Variants in ATRNL1 observed in about 807,000 individuals in gnomAD.
ATRNL1 encodes the protein attractin like 1, also known as attractin-like protein 1.
A neutral mutation model predicts 182.7 loss-of-function variants in ATRNL1; 95 were observed. The observed-to-expected ratio is 0.52, with a 90% CI of 0.44 to 0.62. The LOEUF (loss-of-function observed/expected upper bound fraction) is 0.62, where lower values mean the gene tolerates loss of function less well. ATRNL1 is among the 20% of genes least tolerant of loss of function. The pLI, the probability that ATRNL1 is intolerant of heterozygous loss-of-function variation, is 0.00. For synonymous variants in ATRNL1, 576 were observed against 568.3 expected (o/e 1.01, Z -0.19); for missense variants, 1,471 against 1,679.5 (o/e 0.88, Z 2.17).
At position 115,431,302 on chromosome 10, in the gene ATRNL1, G is replaced by A. The variant is rs373890175; in HGVS notation, c.3322+5000G>A. 3.6e-4 allele frequency among the ~76,000 whole-genome samples: 54 copies of A among 151,942 alleles called. 1 individual carries two copies. In the East Asian group the frequency reaches 7.2e-3, roughly 20 times the overall value. On this transcript the variant is annotated intron_variant, in intron 21 of 28. Coordinates refer to ENST00000355044, the MANE Select transcript of ATRNL1 (RefSeq NM_207303.4). ...CGCCTGTAATCCCAGCTATGTGGGAGGCTGAGGCAGGAGAATCGCTTGAAC... is the reference window on the plus strand; with the variant it reads ...CGCCTGTAATCCCAGCTATGTGGGAAGCTGAGGCAGGAGAATCGCTTGAAC...
intron 28 of ATRNL1, among the ~76,000 whole-genome samples, chr10:115,883,179 A>G (rs542089408): frequency 2.0e-5 from 3 of 152,312 alleles, no homozygotes; most frequent in African/African-American, 7.2e-5. Context: ...AACAACATCC[A>G]TGCAAGAAAC....
chr10:115,255,928 A>G (rs1352767259), intron 10 of ATRNL1, among the ~76,000 whole-genome samples: 2 of 152,048 alleles, frequency 1.3e-5, no homozygotes, highest in Non-Finnish European at 2.9e-5. Flanking sequence ...TGTTTATGTT[A>G]TGGATTATGT....
chr10:115,299,181 A>G (rs1294583542), intron 15 of ATRNL1, among the ~76,000 whole-genome samples: 1 of 151,830 alleles, frequency 6.6e-6, no homozygotes, highest in Non-Finnish European at 1.5e-5. Flanking sequence ...ATTATCATAT[A>G]TATTAAAATA....
At chr10:115,263,628 C>T (rs562438315) in intron 10 of ATRNL1, among the ~76,000 whole-genome samples, 2 of 151,722 alleles carry the variant, frequency 1.3e-5, no homozygotes, top group African/African-American at 4.8e-5. Context: ...CACTTTGGAA[C>T]TTTTATGTGT....
chr10:115,941,124 T>G (rs565434914), intron 28 of ATRNL1, among the ~76,000 whole-genome samples: 1 of 152,222 alleles, frequency 6.6e-6, no homozygotes, highest in Non-Finnish European at 1.5e-5. Context: ...TAAATATCTC[T>G]GCCTAGAGAA....
intron 27 of ATRNL1, among the ~76,000 whole-genome samples, chr10:115,791,787 C>A (rs1949537879): frequency 6.6e-6 from 1 of 152,128 alleles, no homozygotes; most frequent in Non-Finnish European, 1.5e-5. Flanking sequence ...TTAGATTCTT[C>A]TCCAATTCTC....
intron 27 of ATRNL1, among the ~76,000 whole-genome samples, chr10:115,793,942 A>G (rs1486254585): frequency 1.3e-5 from 2 of 152,284 alleles, no homozygotes; most frequent in African/African-American, 4.8e-5. Context: ...ATTTTATGGT[A>G]TGTGAATTAA....
intron 5 of ATRNL1, among the ~76,000 whole-genome samples, chr10:115,140,667 T>G (rs927269797): frequency 1.3e-5 from 2 of 152,224 alleles, no homozygotes; most frequent in African/African-American, 4.8e-5. Flanking sequence ...GCTCGATTCT[T>G]TTAAATGTCT....
At chr10:115,910,830 G>T (rs1166624628) in intron 28 of ATRNL1, among the ~76,000 whole-genome samples, 2 of 152,008 alleles carry the variant, frequency 1.3e-5, no homozygotes, top group Admixed American at 1.3e-4. Flanking sequence ...TTCTCATCCC[G>T]CCTGCCAATA....
intron 10 of ATRNL1, among the ~76,000 whole-genome samples, chr10:115,264,673 A>G (rs1851533008): frequency 6.6e-6 from 1 of 151,450 alleles, no homozygotes; most frequent in South Asian, 2.1e-4. Flanking sequence ...AGTTAAAATA[A>G]TTCCCTTCTA....
At chr10:115,894,278 G>A (rs887567958) in intron 28 of ATRNL1, among the ~76,000 whole-genome samples, 9 of 152,170 alleles carry the variant, frequency 5.9e-5, no homozygotes, top group African/African-American at 1.4e-4. Context: ...GACTGCAGCC[G>A]AATTTCGGCT....
chr10:115,345,911 T>C (rs908059967), intron 19 of ATRNL1, among the ~76,000 whole-genome samples: 1 of 152,242 alleles, frequency 6.6e-6, no homozygotes, highest in Non-Finnish European at 1.5e-5. Flanking sequence ...ATTCTCATTG[T>C]AGCAAGTACC....
chr10:115,588,124 GT>G (rs1439716895), intron 26 of ATRNL1, among the ~76,000 whole-genome samples: 1 of 152,140 alleles, frequency 6.6e-6, no homozygotes, highest in Non-Finnish European at 1.5e-5. Flanking sequence ...AGACAGTACT[GT>G]TGAAAATGAA....
chr10:115,143,754 G>A (rs782355361), intron 5 of ATRNL1, among the ~76,000 whole-genome samples: 2 of 152,084 alleles, frequency 1.3e-5, no homozygotes, highest in Admixed American at 1.3e-4. Flanking sequence ...GAGAACGCAC[G>A]TGAGAGTGTG....
At chr10:115,782,935 T>G (rs1949302441) in intron 27 of ATRNL1, among the ~76,000 whole-genome samples, 1 of 152,216 alleles carries the variant, frequency 6.6e-6, no homozygotes, top group Non-Finnish European at 1.5e-5. Context: ...TGATCAAATA[T>G]ATTTGTTAGG....
chr10:115,608,654 T>A (rs1856991199), intron 26 of ATRNL1, among the ~76,000 whole-genome samples: 1 of 152,028 alleles, frequency 6.6e-6, no homozygotes, highest in Admixed American at 6.6e-5. Context: ...ACATAATATA[T>A]CAAGAATATA....
chr10:115,223,929 A>ATATATATATATATATT (rs1420143943), intron 9 of ATRNL1, among the ~76,000 whole-genome samples: 3 of 44,728 alleles, frequency 6.7e-5, no homozygotes, highest in African/African-American at 2.8e-4. Context: ...ATATATATAT[A>ATATATATATATATATT]TTTTTTTTTT....
intron 24 of ATRNL1, among the ~76,000 whole-genome samples, chr10:115,508,075 CACTT>C (rs1288285089): frequency 6.6e-6 from 1 of 152,034 alleles, no homozygotes; most frequent in Non-Finnish European, 1.5e-5. Flanking sequence ...ATCATGTACT[CACTT>C]TGTGTCTCTG....
chr10:115,810,893 G>C (rs966723143), intron 27 of ATRNL1, among the ~76,000 whole-genome samples: 2 of 151,700 alleles, frequency 1.3e-5, no homozygotes, highest in Non-Finnish European at 2.9e-5. Flanking sequence ...TTCTTGGTCT[G>C]TCTGGCTAGA....
Sources: gnomAD v4.1 joint callset for allele counts (sites outside exome capture counted in the v4.1 genomes callset) on GRCh38, gnomAD v4.1.1 for gene constraint, MANE v1.5 for transcripts, NCBI Gene and HGNC (gene_info 2026-07-23, HGNC 2026-07-21) for gene names.